Variants in PTPRT observed in about 807,000 individuals in gnomAD.
PTPRT encodes the protein protein tyrosine phosphatase receptor type T.
In PTPRT, 56 loss-of-function variants were observed where a neutral mutation model predicts 176.8. The ratio of observed to expected loss-of-function variants is 0.32; its 90% CI spans 0.26 to 0.40. The LOEUF (loss-of-function observed/expected upper bound fraction) is 0.40, where lower values mean the gene tolerates loss of function less well. Among genes scored for constraint, PTPRT ranks in the 10% least tolerant of loss-of-function variants. PTPRT has a pLI of 1.00. For synonymous variants in PTPRT, 783 were observed against 739.0 expected, an observed-to-expected ratio of 1.06 and a Z score of -0.96; for missense variants, 1,540 against 1,908.2, an observed-to-expected ratio of 0.81 and a Z score of 3.60.
chr20:42,286,892 T>A (rs546425274), intron 12 of PTPRT, among the ~76,000 whole-genome samples: 1 of 151,750 alleles, frequency 6.6e-6, no homozygotes, highest in Admixed American at 6.6e-5. Flanking sequence ...CTCAAACAAT[T>A]CAACAGCAAA....
the PTPRT span, among the ~76,000 whole-genome samples, chr20:42,036,394 C>A: frequency 1.3e-5 from 2 of 152,196 alleles, no homozygotes; most frequent in South Asian, 4.1e-4. Context: ...ATAGTTTTCA[C>A]AACCATGAGG....
At chr20:42,831,930 G>T (rs2078096385) in intron 2 of PTPRT, among the ~76,000 whole-genome samples, 2 of 152,244 alleles carry the variant, frequency 1.3e-5, no homozygotes, top group Non-Finnish European at 2.9e-5. Flanking sequence ...CCGTCGGTGA[G>T]AGTGTAAATT....
At chr20:42,546,490 C>T (rs1237588481) in intron 7 of PTPRT, among the ~76,000 whole-genome samples, 1 of 147,210 alleles carries the variant, frequency 6.8e-6, no homozygotes, top group Admixed American at 6.8e-5. Context: ...AAAAAAAAAA[C>T]AAGAAAGAAA....
rs577657874 is a variant in PTPRT at position 43,145,024 on chromosome 20, G to C, written c.88+44622C>G. 2.0e-5 allele frequency among the ~76,000 whole-genome samples: 3 copies of C among 152,290 alleles called. No homozygotes were observed. In the South Asian group the frequency reaches 6.2e-4, roughly 32 times the overall value. On this transcript the variant is annotated intron_variant, in intron 1 of 30. Coordinates refer to ENST00000373187, the MANE Select transcript of PTPRT (RefSeq NM_007050.6). ...ACATGCCATGCTGGCTCACCTCTGA[G>C]CCACAGCAAAGGCTGTTCCCTCTGC...
chr20:42,986,298 T>C (rs1001873435), intron 1 of PTPRT, among the ~76,000 whole-genome samples: 3 of 152,178 alleles, frequency 2.0e-5, no homozygotes, highest in African/African-American at 7.2e-5. Context: ...CCTGAGGTGT[T>C]CCCAGCCCCT....
intron 7 of PTPRT, among the ~76,000 whole-genome samples, chr20:42,623,591 G>A (rs1376533580): frequency 1.3e-5 from 2 of 152,212 alleles, no homozygotes; most frequent in Admixed American, 1.3e-4. Flanking sequence ...CCATGTGAGA[G>A]GCCTGAGGGA....
At chr20:42,204,740 G>A (rs990557779) in intron 15 of PTPRT, among the ~76,000 whole-genome samples, 4 of 152,120 alleles carry the variant, frequency 2.6e-5, no homozygotes, top group African/African-American at 7.2e-5. Context: ...TTTGTTCTGA[G>A]TGCCACTCTT....
intron 6 of PTPRT, among the ~76,000 whole-genome samples, chr20:42,722,021 G>A (rs543924331): frequency 2.0e-5 from 3 of 152,306 alleles, no homozygotes; most frequent in African/African-American, 7.2e-5. Flanking sequence ...AGAGGTATCT[G>A]CACCTGTTCC....
intron 1 of PTPRT, among the ~76,000 whole-genome samples, chr20:43,179,235 C>A (rs2015190936): frequency 6.6e-6 from 1 of 152,172 alleles, no homozygotes; most frequent in Non-Finnish European, 1.5e-5. Flanking sequence ...GCCACAACAA[C>A]CAAAACCAAG....
chr20:42,900,320 A>G (rs1236206981), intron 1 of PTPRT, among the ~76,000 whole-genome samples: 1 of 152,156 alleles, frequency 6.6e-6, no homozygotes, highest in Non-Finnish European at 1.5e-5. Context: ...CTTCCTCAGT[A>G]ATAAGTTATA....
chr20:43,134,278 G>A (rs1350827082), intron 1 of PTPRT, among the ~76,000 whole-genome samples: 2 of 152,202 alleles, frequency 1.3e-5, no homozygotes, highest in African/African-American at 2.4e-5. Flanking sequence ...CCAAACTTTA[G>A]TCAGGCTTCT....
At chr20:42,751,781 G>A (rs2076774062) in intron 6 of PTPRT, among the ~76,000 whole-genome samples, 1 of 152,024 alleles carries the variant, frequency 6.6e-6, no homozygotes, top group Non-Finnish European at 1.5e-5. Flanking sequence ...TCGGGCCTTT[G>A]GCCACAGACT....
intron 12 of PTPRT, among the ~76,000 whole-genome samples, chr20:42,308,078 T>C (rs6102765): frequency 0.24 from 36,478 of 151,990 alleles, 4,895 homozygotes; most frequent in East Asian, 0.37. Context: ...GGAGGAACCC[T>C]CAGTTCCGGG....
At chr20:42,064,412 C>T in the PTPRT span, among the ~76,000 whole-genome samples, 1 of 152,104 alleles carries the variant, frequency 6.6e-6, no homozygotes, top group Admixed American at 6.5e-5. Flanking sequence ...TCTTTTAGGT[C>T]TCAAGATAGA....
intron 1 of PTPRT, among the ~76,000 whole-genome samples, chr20:42,964,821 C>G (rs1982202980): frequency 1.3e-5 from 2 of 152,108 alleles, no homozygotes; most frequent in Non-Finnish European, 2.9e-5. Flanking sequence ...TTGAACAAAA[C>G]AAGGATATTT....
At position 42,172,130 on chromosome 20, in the gene PTPRT, A is replaced by G. The variant is rs186008714; in HGVS notation, c.2492-10588T>C. Among the ~76,000 whole-genome samples, 33 of 152,350 alleles carry G rather than the reference A, an allele frequency of 2.2e-4. No homozygotes were observed. In the East Asian group the frequency reaches 6.0e-3, roughly 28 times the overall value. The stretch of plus-strand genomic sequence containing the variant: ...TTGCAATAATGCACACATGACAGAA[A>G]AAGGATAGGTGGGTTTGAAAAATAT... On this transcript the variant is annotated intron_variant, in intron 16 of 30. Coordinates refer to ENST00000373187, the MANE Select transcript of PTPRT (RefSeq NM_007050.6).
At chr20:42,536,842 A>G (rs1201141456) in intron 7 of PTPRT, among the ~76,000 whole-genome samples, 1 of 152,222 alleles carries the variant, frequency 6.6e-6, no homozygotes, top group Non-Finnish European at 1.5e-5. Context: ...TTAAGTTGGT[A>G]GAGCCACTGA....
rs530268005 is a variant in PTPRT at position 42,643,519 on chromosome 20, G to A, written c.1153+34347C>T. ...TTTAATTGAGACAAGGTTTTGCTACGTTGCCCATGCTGGTCTCAAGCTCCT... is the reference window on the plus strand; with the variant it reads ...TTTAATTGAGACAAGGTTTTGCTACATTGCCCATGCTGGTCTCAAGCTCCT... On this transcript the variant is annotated intron_variant, in intron 7 of 30. Coordinates refer to ENST00000373187, the MANE Select transcript of PTPRT (RefSeq NM_007050.6). Among the ~76,000 whole-genome samples, 26 of 151,022 alleles carry A rather than the reference G, an allele frequency of 1.7e-4. 1 individual carries two copies. The highest frequency in any genetic ancestry group is 4.7e-4 in the African/African-American group (19 of 40,564).
chr20:42,730,144 C>T (rs972849483), intron 6 of PTPRT, among the ~76,000 whole-genome samples: 8 of 152,304 alleles, frequency 5.3e-5, no homozygotes, highest in East Asian at 1.9e-4. Flanking sequence ...TACTACCCAA[C>T]GTCATTCTTC....
Sources: allele counts gnomAD v4.1 joint callset (sites outside exome capture counted in the v4.1 genomes callset), GRCh38; gene constraint gnomAD v4.1.1; transcripts MANE v1.5; gene names NCBI Gene and HGNC (gene_info 2026-07-23, HGNC 2026-07-21).